Variants in PPP2R2A observed in about 807,000 individuals in gnomAD.
The protein encoded by PPP2R2A is serine/threonine-protein phosphatase 2A 55 kDa regulatory subunit B alpha isoform.
A neutral mutation model predicts 53.2 loss-of-function variants in PPP2R2A; 9 were observed. That is an observed-to-expected ratio of 0.17 (90% CI 0.10 to 0.30). The LOEUF is 0.30. Among genes scored for constraint, PPP2R2A ranks in the 10% least tolerant of loss-of-function variants. PPP2R2A has a pLI of 1.00. For missense variants in PPP2R2A, 235 were observed against 534.6 expected, an observed-to-expected ratio of 0.44 and a Z score of 5.53; for synonymous variants, 169 against 174.2, an observed-to-expected ratio of 0.97 and a Z score of 0.23.
In PPP2R2A at chr8:26,371,255, CAA is replaced by C. The variant is rs964578845; in HGVS notation, c.*843_*844del. On this transcript the variant is annotated 3_prime_UTR_variant, in exon 10 of 10. Transcript: ENST00000380737. ...TGGTATTTTTGTTAATTATTTTTAA[CAA>C]GTGTTCTTTTACATGCAGGAGGAGA... 2.6e-5 allele frequency: 4 copies of C among 151,474 alleles called. No individual in the cohort carries two copies. The highest frequency in any genetic ancestry group is 9.7e-5 in the African/African-American group (4 of 41,264). 9.4% of individuals were successfully genotyped at this position (151,474 alleles called of 1,614,324 possible). A position where few individuals can be genotyped will look rare whatever the true frequency, so the allele number is the denominator to read the frequency against.
rs114598426 is a variant in PPP2R2A at position 26,321,431 on chromosome 8, G to A, written c.83-17459G>A. 0.016 allele frequency among the ~76,000 whole-genome samples: 2,465 copies of A among 152,308 alleles called. 65 individuals are homozygous for A. The highest frequency in any genetic ancestry group is 0.057 in the African/African-American group (2,363 of 41,560). ...TGGCTTCTGGTATTTATGTCTCTGTGTAACCTTGTCCCTTTGAGTGTTTCT... is the reference window on the plus strand; with the variant it reads ...TGGCTTCTGGTATTTATGTCTCTGTATAACCTTGTCCCTTTGAGTGTTTCT... On this transcript the variant is annotated intron_variant, in intron 2 of 9. Transcript: ENST00000380737. The surrounding 1 kb of genome is among the most constrained non-coding windows in gnomAD (Gnocchi z 4.1).
chr8:26,323,247 C>T (rs1175799291), intron 2 of PPP2R2A, among the ~76,000 whole-genome samples: 1 of 152,178 alleles, frequency 6.6e-6, no homozygotes, highest in Non-Finnish European at 1.5e-5. Flanking sequence ...ATCAATCTAG[C>T]TGACTATGTA....
rs1803770409 is a variant in PPP2R2A, at chr8:26,338,287, C to T, written c.83-603C>T. Among the ~76,000 whole-genome samples, 1 of 152,174 alleles carries T rather than the reference C, an allele frequency of 6.6e-6. No homozygotes were observed. The highest frequency in any genetic ancestry group is 1.5e-5 in the Non-Finnish European group (1 of 68,028). Reference sequence around the variant, plus strand: ...CACTGAGCTGGTAGAATCCATGTGACGTGACTGATTCTAGTGGTCCTGCAG... The same window carrying T: ...CACTGAGCTGGTAGAATCCATGTGATGTGACTGATTCTAGTGGTCCTGCAG... On this transcript the variant is annotated intron_variant, in intron 2 of 9. Transcript: ENST00000380737. The surrounding 1 kb of genome is among the most constrained non-coding windows in gnomAD (Gnocchi z 4.5).
At chr8:26,352,966 A>G (rs1021957888) in intron 3 of PPP2R2A, among the ~76,000 whole-genome samples, 1 of 152,154 alleles carries the variant, frequency 6.6e-6, no homozygotes. Context: ...ACTATATATT[A>G]TAGTCTCTTT....
chr8:26,363,927 G>A lies in PPP2R2A; in HGVS notation c.972+37G>A, dbSNP rs371376039. ...TTTTCTTTCAATGAGCATATACCCTGTTTACTTTGAAGTGTTTATAGAGAA... is the reference window on the plus strand; with the variant it reads ...TTTTCTTTCAATGAGCATATACCCTATTTACTTTGAAGTGTTTATAGAGAA... On this transcript the variant is annotated intron_variant, in intron 8 of 9. Coordinates refer to ENST00000380737, the MANE Select transcript of PPP2R2A (RefSeq NM_002717.4). 1.7e-5 allele frequency: 26 copies of A among 1,504,330 alleles called. No individual in the cohort carries two copies. In the African/African-American group the frequency reaches 3.6e-4, roughly 21 times the overall value. 93.2% of individuals were successfully genotyped at this position (1,504,330 alleles called of 1,614,324 possible). A position where few individuals can be genotyped will look rare whatever the true frequency, so the allele number is the denominator to read the frequency against.
intron 2 of PPP2R2A, among the ~76,000 whole-genome samples, chr8:26,304,519 T>G (rs1305137692): frequency 6.6e-6 from 1 of 152,232 alleles, no homozygotes; most frequent in East Asian, 1.9e-4. Context: ...TTTTCAAACC[T>G]GCCATTGCAG....
At chr8:26,291,972 G>T (rs1801317556) in intron 1 of PPP2R2A, 146 bp downstream of exon 1, 1 of 1,212,552 alleles carries the variant, frequency 8.2e-7, no homozygotes, top group East Asian at 3.3e-5. Flanking sequence ...GGGTGGGGTG[G>T]GGGCGGGGAG....
At chr8:26,358,964 G>T (rs1278106020) in intron 4 of PPP2R2A, 1 of 455,864 alleles carries the variant, frequency 2.2e-6, no homozygotes, top group Non-Finnish European at 4.4e-6. Flanking sequence ...GGGTGAAAGA[G>T]TCATTGTATA....
In PPP2R2A at chr8:26,354,644, A is replaced by C. The variant is rs1804679881; in HGVS notation, c.346+11A>C. On this transcript the variant is annotated intron_variant, in intron 4 of 9. Coordinates refer to ENST00000380737, the MANE Select transcript of PPP2R2A (RefSeq NM_002717.4). The surrounding 1 kb of genome is among the most constrained non-coding windows in gnomAD (Gnocchi z 4.6). Reference sequence around the variant, plus strand: ...TATTGTCTACCAATGGTAAGTATACATATTTTCTTTCCATGTGCCCACTGT... The same window carrying C: ...TATTGTCTACCAATGGTAAGTATACCTATTTTCTTTCCATGTGCCCACTGT... 1 of 1,577,806 alleles carries C rather than the reference A, an allele frequency of 6.3e-7. No homozygotes were observed. The highest frequency in any genetic ancestry group is 8.6e-7 in the Non-Finnish European group (1 of 1,159,852).
At chr8:26,292,099 G>A in intron 1 of PPP2R2A, 1 of 1,203,182 alleles carries the variant, frequency 8.3e-7, no homozygotes, top group Non-Finnish European at 1.0e-6. Flanking sequence ...GCGTGGGTGG[G>A]GCGGGGTGGG....
chr8:26,355,165 G>T (rs1323087253), intron 4 of PPP2R2A, among the ~76,000 whole-genome samples: 2 of 152,176 alleles, frequency 1.3e-5, no homozygotes, highest in Non-Finnish European at 2.9e-5. Context: ...CTATAGGAGA[G>T]CACTTTCTTA....
At chr8:26,293,505 T>C (rs957214337) in intron 1 of PPP2R2A, 161 bp from the exon 2 acceptor site, 15 of 721,334 alleles carry the variant, frequency 2.1e-5, no homozygotes, top group Admixed American at 6.1e-5. Context: ...GTACCAAGTA[T>C]TGGGGACTAA....
intron 2 of PPP2R2A, among the ~76,000 whole-genome samples, chr8:26,336,462 C>T (rs527793668): frequency 1.3e-5 from 2 of 151,990 alleles, no homozygotes; most frequent in Non-Finnish European, 2.9e-5. Context: ...ATGTGCCTTC[C>T]CACCCCACCC....
At chr8:26,294,495 C>T (rs1801456401) in intron 2 of PPP2R2A, among the ~76,000 whole-genome samples, 1 of 152,138 alleles carries the variant, frequency 6.6e-6, no homozygotes, top group Non-Finnish European at 1.5e-5. Flanking sequence ...GAGGCATTTT[C>T]CACAAAGTTG....
chr8:26,308,982 T>C (rs1802151520), intron 2 of PPP2R2A, among the ~76,000 whole-genome samples: 1 of 152,104 alleles, frequency 6.6e-6, no homozygotes, highest in Non-Finnish European at 1.5e-5. Context: ...TGCCTCAGCC[T>C]TCCAAGTGGT....
At chr8:26,332,094 G>A (rs558539704) in intron 2 of PPP2R2A, among the ~76,000 whole-genome samples, 11 of 152,178 alleles carry the variant, frequency 7.2e-5, no homozygotes, top group Non-Finnish European at 1.3e-4. Flanking sequence ...AGTGGCTCAC[G>A]CCTGTAATCC....
At chr8:26,336,222 GA>G (rs1002690994) in intron 2 of PPP2R2A, among the ~76,000 whole-genome samples, 1 of 151,970 alleles carries the variant, frequency 6.6e-6, no homozygotes, top group African/African-American at 2.4e-5. Flanking sequence ...CCAAGAGTTC[GA>G]AACCAGCCTG....
At chr8:26,368,859 C>T (rs969028706) in intron 9 of PPP2R2A, among the ~76,000 whole-genome samples, 1 of 152,134 alleles carries the variant, frequency 6.6e-6, no homozygotes, top group Non-Finnish European at 1.5e-5. Flanking sequence ...GTAATCCCAG[C>T]ACTTTGGGAG....
At chr8:26,314,168 G>GTC (rs1218520632) in intron 2 of PPP2R2A, among the ~76,000 whole-genome samples, 1 of 152,180 alleles carries the variant, frequency 6.6e-6, no homozygotes, top group Non-Finnish European at 1.5e-5. Context: ...TCATGTTTCA[G>GTC]TCTGGAGTAC....
Sources: allele counts gnomAD v4.1 joint callset (sites outside exome capture counted in the v4.1 genomes callset), GRCh38; gene constraint gnomAD v4.1.1; non-coding constraint Gnocchi (gnomAD v3.1); transcripts MANE v1.5; gene names NCBI Gene and HGNC (gene_info 2026-07-23, HGNC 2026-07-21).